DAB1: variants seen among roughly 807,000 people sequenced by gnomAD.
DAB1 encodes the protein DAB adaptor protein 1.
Under a neutral mutation model 64.6 loss-of-function variants are expected in DAB1, and 15 were observed. The observed-to-expected ratio is 0.23, with a 90% CI of 0.16 to 0.36. The LOEUF (loss-of-function observed/expected upper bound fraction) is 0.36. Among genes scored for constraint, DAB1 ranks in the 10% least tolerant of loss-of-function variants. The pLI, the probability that DAB1 is intolerant of heterozygous loss-of-function variation, is 1.00. For missense variants in DAB1, 596 were observed against 706.7 expected (o/e 0.84, Z 1.78); for synonymous variants, 235 against 251.9 (o/e 0.93, Z 0.64).
At chr1:58,062,489 G>A (rs1157046869) in intron 5 of DAB1, among the ~76,000 whole-genome samples, 2 of 152,212 alleles carry the variant, frequency 1.3e-5, no homozygotes, top group South Asian at 2.1e-4. Flanking sequence ...TGCTATTCCA[G>A]CTTCCAAGAC....
intron 5 of DAB1, among the ~76,000 whole-genome samples, chr1:57,974,463 T>C (rs1645871492): frequency 6.6e-6 from 1 of 152,114 alleles, no homozygotes; most frequent in Non-Finnish European, 1.5e-5. Context: ...ATTTAATGAA[T>C]GGCTCTCAAC....
chr1:57,248,932 T>A (rs1669111294), intron 2 of DAB1, among the ~76,000 whole-genome samples: 1 of 152,226 alleles, frequency 6.6e-6, no homozygotes, highest in Non-Finnish European at 1.5e-5. Context: ...ATCATAGGTC[T>A]CAGGATAATT....
At chr1:58,444,604 G>GA (rs1366800162) in intron 3 of DAB1, among the ~76,000 whole-genome samples, 2 of 152,330 alleles carry the variant, frequency 1.3e-5, no homozygotes, top group Admixed American at 6.5e-5. Flanking sequence ...CAAGGAAGAT[G>GA]AAAAATTGCA....
At chr1:57,271,403 C>G (rs373053536) in intron 2 of DAB1, among the ~76,000 whole-genome samples, 1 of 152,204 alleles carries the variant, frequency 6.6e-6, no homozygotes, top group South Asian at 2.1e-4. Context: ...ATGACTGCTT[C>G]GTGTTGCCAC....
intron 1 of DAB1, among the ~76,000 whole-genome samples, chr1:58,543,653 G>GTAAA (rs1172907095): frequency 6.6e-6 from 1 of 152,028 alleles, no homozygotes; most frequent in Non-Finnish European, 1.5e-5. Context: ...TCCTACCCTG[G>GTAAA]TAAATACCAG....
intron 7 of DAB1, among the ~76,000 whole-genome samples, chr1:57,526,826 T>A (rs780433752): frequency 3.3e-4 from 50 of 152,224 alleles, no homozygotes; most frequent in Non-Finnish European, 5.6e-4. Context: ...CATAATTTCA[T>A]GTTACTTATG....
intron 3 of DAB1, among the ~76,000 whole-genome samples, chr1:58,373,749 G>A (rs563046865): frequency 1.2e-3 from 187 of 151,778 alleles, no homozygotes; most frequent in African/African-American, 4.2e-3. Context: ...CTAAGGAATT[G>A]CCACACTGAC....
At chr1:57,389,414 C>A (rs945065136) in intron 1 of DAB1, among the ~76,000 whole-genome samples, 2 of 152,158 alleles carry the variant, frequency 1.3e-5, no homozygotes, top group African/African-American at 4.8e-5. Context: ...CTCTACTCAG[C>A]ACAATCCAAG....
intron 4 of DAB1, among the ~76,000 whole-genome samples, chr1:58,249,233 AC>A (rs1660688384): frequency 6.6e-6 from 1 of 151,884 alleles, no homozygotes; most frequent in African/African-American, 2.4e-5. Flanking sequence ...AACCTCTGCC[AC>A]CACCACATAT....
intron 2 of DAB1, among the ~76,000 whole-genome samples, chr1:57,198,008 T>A (rs1023029983): frequency 6.6e-6 from 1 of 152,158 alleles, no homozygotes; most frequent in Non-Finnish European, 1.5e-5. Flanking sequence ...TAAGAAACCC[T>A]CTTTGCACAT....
chr1:58,531,512 T>C (rs1236680819), intron 1 of DAB1, among the ~76,000 whole-genome samples: 3 of 152,188 alleles, frequency 2.0e-5, no homozygotes, highest in Admixed American at 2.0e-4. Flanking sequence ...GATTAGTAAA[T>C]GTTAATGTTG....
chr1:57,511,047 C>G (rs1644399517), intron 7 of DAB1, among the ~76,000 whole-genome samples: 1 of 152,176 alleles, frequency 6.6e-6, no homozygotes, highest in African/African-American at 2.4e-5. Context: ...AGCAGACATG[C>G]TCTCATGTCT....
intron 3 of DAB1, among the ~76,000 whole-genome samples, chr1:58,377,613 T>A (rs1644341793): frequency 7.2e-6 from 1 of 138,736 alleles, no homozygotes; most frequent in South Asian, 2.3e-4. Flanking sequence ...GCCCTTAACA[T>A]TTTTTCCTTC....
At chr1:57,136,721 C>G in intron 3 of DAB1, 80 bp from the exon 4 acceptor site, 1 of 827,994 alleles carries the variant, frequency 1.2e-6, no homozygotes, top group East Asian at 2.8e-5. Flanking sequence ...ATGTCCGATA[C>G]CATCAACCAA....
At chr1:57,727,357 C>T (rs1032022901) in intron 6 of DAB1, among the ~76,000 whole-genome samples, 6 of 152,192 alleles carry the variant, frequency 3.9e-5, no homozygotes, top group Non-Finnish European at 8.8e-5. Flanking sequence ...ACTTTGTGGG[C>T]ACCCACAGGA....
intron 6 of DAB1, among the ~76,000 whole-genome samples, chr1:57,709,553 C>T (rs1314978993): frequency 6.6e-6 from 1 of 151,940 alleles, no homozygotes; most frequent in Non-Finnish European, 1.5e-5. Flanking sequence ...TGCAGACACA[C>T]CAGAGTGAGG....
At chr1:58,288,279 G>A (rs576857253) in intron 4 of DAB1, among the ~76,000 whole-genome samples, 4 of 152,162 alleles carry the variant, frequency 2.6e-5, no homozygotes, top group East Asian at 1.9e-4. Context: ...TCCAAATGAC[G>A]TAAATGTGTT....
At chr1:57,263,425 T>C (rs545204934) in intron 2 of DAB1, among the ~76,000 whole-genome samples, 1 of 151,982 alleles carries the variant, frequency 6.6e-6, no homozygotes, top group East Asian at 1.9e-4. Flanking sequence ...TGGCTGAAGA[T>C]ACAACTTTTT....
chr1:57,698,262 ATTTT>A (rs71051246), intron 6 of DAB1, among the ~76,000 whole-genome samples: 8 of 138,932 alleles, frequency 5.8e-5, no homozygotes, highest in African/African-American at 2.1e-4. Flanking sequence ...ACTTTTAAAC[ATTTT>A]TTTTTTTTTT....
Sources: allele counts gnomAD v4.1 joint callset (sites outside exome capture counted in the v4.1 genomes callset), GRCh38; gene constraint gnomAD v4.1.1; transcripts MANE v1.5; gene names NCBI Gene and HGNC (gene_info 2026-07-23, HGNC 2026-07-21).